DAPK2: variants seen among roughly 807,000 people sequenced by gnomAD.
DAPK2 encodes the protein death associated protein kinase 2, also known as death-associated protein kinase 2.
A neutral mutation model predicts 44.1 loss-of-function variants in DAPK2; 35 were observed. The observed-to-expected ratio is 0.79, with a 90% CI of 0.61 to 1.05. The LOEUF (loss-of-function observed/expected upper bound fraction) is 1.05. Ranked by LOEUF, DAPK2 falls within the 50% of genes least tolerant of loss-of-function variation. DAPK2 has a pLI of 0.00. For synonymous variants in DAPK2, 174 were observed against 182.6 expected (o/e 0.95, Z 0.38); for missense variants, 453 against 483.2 (o/e 0.94, Z 0.59).
chr15:64,000,188 CACACA>C (rs1178865963), intron 1 of DAPK2, among the ~76,000 whole-genome samples: 14 of 46,706 alleles, frequency 3.0e-4, no homozygotes, highest in Middle Eastern at 0.015. Context: ...ACTACTACTA[CACACA>C]CACACACACA....
intron 8 of DAPK2, among the ~76,000 whole-genome samples, chr15:63,914,351 C>T (rs1205067893): frequency 2.0e-5 from 3 of 151,956 alleles, no homozygotes; most frequent in Admixed American, 2.0e-4. Flanking sequence ...CCAAAGAGTA[C>T]AGAAGGAAAG....
chr15:63,954,549 A>C (rs941003884), intron 3 of DAPK2, among the ~76,000 whole-genome samples: 1 of 152,120 alleles, frequency 6.6e-6, no homozygotes, highest in Non-Finnish European at 1.5e-5. Context: ...TGGTTACTAT[A>C]TAGCTTTGTC....
At chr15:63,930,610 G>A (rs2079516409) in intron 4 of DAPK2, among the ~76,000 whole-genome samples, 155 bp from the exon 6 acceptor site, 1 of 152,214 alleles carries the variant, frequency 6.6e-6, no homozygotes, top group Non-Finnish European at 1.5e-5. Context: ...CTAAGATTCT[G>A]AGGAAAGGAG....
intron 4 of DAPK2, among the ~76,000 whole-genome samples, chr15:63,935,311 G>C (rs893646134): frequency 1.3e-5 from 2 of 151,628 alleles, no homozygotes; most frequent in Non-Finnish European, 2.9e-5. Flanking sequence ...GGCTGGTCTC[G>C]AGCTCCTGAC....
chr15:63,923,578 G>C lies in DAPK2; in HGVS notation c.858+1238C>G, dbSNP rs2079150572. Among the ~76,000 whole-genome samples the C allele has an allele frequency of 6.6e-6, 1 of 152,220 alleles. No homozygotes were observed. The highest frequency in any genetic ancestry group is 1.5e-5 in the Non-Finnish European group (1 of 68,042). The stretch of plus-strand genomic sequence containing the variant: ...CAGAAGGGTCCACAGCCATTAGAGA[G>C]AGCTCCACACACATAGCATTTAAGG... On this transcript the variant is annotated intron_variant, in intron 8 of 10. Coordinates refer to ENST00000261891, the Ensembl canonical transcript of DAPK2. The surrounding 1 kb of genome is among the most constrained non-coding windows in gnomAD (Gnocchi z 4.2).
In DAPK2 at chr15:63,939,308, C is replaced by T; in HGVS notation, c.507G>A (p.Leu169=). ...TTTCGTGAGCCAGACCAAAGTCAAT[C>T]AGCTTGATGTGTGGAATGGGAATAT... The change falls in exon 4 of 11, where the codon CTG becomes CTA. Residue 169 remains leucine (L), a synonymous_variant. Transcript: ENST00000261891. The surrounding 1 kb of genome is among the most constrained non-coding windows in gnomAD (Gnocchi z 4.3). 4 of 1,612,226 alleles carry T rather than the reference C, an allele frequency of 2.5e-6. No individual in the cohort carries two copies. Among genetic ancestry groups the T allele is most frequent in the Non-Finnish European group, 3.4e-6 (4 of 1,179,838 alleles).
At chr15:63,946,594 C>T (rs2077455328) in intron 3 of DAPK2, among the ~76,000 whole-genome samples, 1 of 152,250 alleles carries the variant, frequency 6.6e-6, no homozygotes, top group Non-Finnish European at 1.5e-5. Flanking sequence ...GCAGCATGAA[C>T]AGTCATCCCT....
At chr15:63,924,627 T>C (rs1031699143) in intron 8 of DAPK2, 189 bp downstream of exon 9, 15 of 563,996 alleles carry the variant, frequency 2.7e-5, no homozygotes, top group African/African-American at 2.4e-4. Flanking sequence ...AAACTTAAAA[T>C]AGCAAGCAAA....
chr15:64,032,108 C>A (rs557216113), intron 1 of DAPK2, among the ~76,000 whole-genome samples: 1 of 152,238 alleles, frequency 6.6e-6, no homozygotes, highest in South Asian at 2.1e-4. Flanking sequence ...GTAGAGGAGA[C>A]GGACAGATAA....
At chr15:63,959,945 G>C (rs1014064992) in intron 3 of DAPK2, among the ~76,000 whole-genome samples, 4 of 152,186 alleles carry the variant, frequency 2.6e-5, no homozygotes, top group African/African-American at 7.2e-5. Flanking sequence ...GCTCCTCTTT[G>C]TACCTCTGGT....
chr15:63,918,172 G>C (rs2078978284), intron 8 of DAPK2: 1 of 152,282 alleles, frequency 6.6e-6, no homozygotes. Context: ...CTCCAGCAAG[G>C]GCCGGGCCAC....
At chr15:63,985,116 C>T (rs1052888208) in intron 1 of DAPK2, among the ~76,000 whole-genome samples, 9 of 152,212 alleles carry the variant, frequency 5.9e-5, no homozygotes, top group East Asian at 1.9e-4. Flanking sequence ...CTAGGCACTA[C>T]GGGGCAGGGA....
intron 1 of DAPK2, among the ~76,000 whole-genome samples, chr15:64,007,534 A>C (rs893670632): frequency 5.3e-5 from 8 of 152,178 alleles, no homozygotes; most frequent in Non-Finnish European, 1.0e-4. Flanking sequence ...GAAGGCAGGC[A>C]CAGGTCCCCT....
At position 63,943,955 on chromosome 15, in the gene DAPK2, T is replaced by C. The variant is rs539516643; in HGVS notation, c.454-4594A>G. ...GGCCTGGCAACCTGGGGCAACCTCG[T>C]GCCTGGCTCAGACACAGCTGTTTTC... On this transcript the variant is annotated intron_variant, in intron 3 of 10. Coordinates refer to ENST00000261891, the Ensembl canonical transcript of DAPK2. Among the ~76,000 whole-genome samples, 8 of 152,284 alleles carry C rather than the reference T, an allele frequency of 5.3e-5. No homozygotes were observed. In the East Asian group the frequency reaches 1.2e-3, roughly 22 times the overall value.
upstream of DAPK2, chr15:64,040,392 T>C: frequency 1.4e-6 from 1 of 718,446 alleles, no homozygotes; most frequent in Non-Finnish European, 2.5e-6. Flanking sequence ...CAGCCTTGGT[T>C]CTTCAAGAAC....
chr15:64,022,320 AG>A (rs1343223172), intron 1 of DAPK2, among the ~76,000 whole-genome samples: 1 of 152,230 alleles, frequency 6.6e-6, no homozygotes. Flanking sequence ...CTCTGTTAAC[AG>A]TCATTTTCTT....
intron 2 of DAPK2, among the ~76,000 whole-genome samples, chr15:63,981,027 T>C (rs1298246065): frequency 4.0e-5 from 6 of 151,104 alleles, no homozygotes; most frequent in Admixed American, 4.0e-4. Context: ...GAGGTGGAGA[T>C]TGTAGTGAGC....
intron 1 of DAPK2, among the ~76,000 whole-genome samples, chr15:64,022,358 AC>A (rs2079707887): frequency 6.6e-6 from 1 of 152,224 alleles, no homozygotes; most frequent in Admixed American, 6.5e-5. Context: ...GGTTTCCTAG[AC>A]TTTTTTCTGA....
intron 1 of DAPK2, among the ~76,000 whole-genome samples, chr15:63,996,904 G>A (rs576173580): frequency 5.3e-5 from 8 of 152,218 alleles, no homozygotes; most frequent in Admixed American, 3.3e-4. Flanking sequence ...ACGCTTGCAG[G>A]TGGCCTATTC....
Sources: gnomAD v4.1 joint callset for allele counts (sites outside exome capture counted in the v4.1 genomes callset) on GRCh38, gnomAD v4.1.1 for gene constraint, Gnocchi (gnomAD v3.1) non-coding constraint, MANE v1.5 for transcripts, NCBI Gene and HGNC (gene_info 2026-07-23, HGNC 2026-07-21) for gene names.